UBE2K: variants seen among roughly 807,000 people sequenced by gnomAD.
The protein encoded by UBE2K is ubiquitin conjugating enzyme E2 K.
A neutral mutation model predicts 30.0 loss-of-function variants in UBE2K; 6 were observed. The ratio of observed to expected loss-of-function variants is 0.20; its 90% CI spans 0.11 to 0.39. The LOEUF (loss-of-function observed/expected upper bound fraction) is 0.39, where lower values mean the gene tolerates loss of function less well. Ranked by LOEUF, UBE2K falls within the 10% of genes least tolerant of loss-of-function variation. UBE2K has a pLI of 1.00. For synonymous variants in UBE2K, 86 were observed against 83.7 expected, an observed-to-expected ratio of 1.03 and a Z score of -0.15; for missense variants, 61 against 241.6, an observed-to-expected ratio of 0.25 and a Z score of 4.96.
chr4:39,740,054 TTAAATG>T (rs34643475), intron 2 of UBE2K, among the ~76,000 whole-genome samples: 2,843 of 152,262 alleles, frequency 0.019, 97 homozygotes, highest in African/African-American at 0.064. Flanking sequence ...TTTGCAATCA[TTAAATG>T]TAGAGGAGAC....
chr4:39,740,653 G>T (rs577735128), intron 2 of UBE2K, among the ~76,000 whole-genome samples: 4 of 151,438 alleles, frequency 2.6e-5, no homozygotes, highest in Non-Finnish European at 5.9e-5. Flanking sequence ...ACGAGGTCAG[G>T]AGATCGAGAC....
intron 2 of UBE2K, among the ~76,000 whole-genome samples, chr4:39,742,001 A>G (rs1400940574): frequency 6.6e-6 from 1 of 152,170 alleles, no homozygotes; most frequent in Non-Finnish European, 1.5e-5. Flanking sequence ...AAGTGGTCAT[A>G]TATTGAAAGT....
intron 4 of UBE2K, chr4:39,770,048 G>A: frequency 2.0e-6 from 3 of 1,502,230 alleles, no homozygotes; most frequent in Non-Finnish European, 2.7e-6. Context: ...CTAGCCCAGG[G>A]ACCCCAGCCT....
chr4:39,734,272 A>AT (rs1207399712), intron 1 of UBE2K, among the ~76,000 whole-genome samples: 1 of 151,750 alleles, frequency 6.6e-6, no homozygotes, highest in Non-Finnish European at 1.5e-5. Context: ...TGCCCGGCTA[A>AT]TTTTTCCGGA....
chr4:39,747,130 CCTATTAGT>C (rs1721024613), intron 3 of UBE2K, among the ~76,000 whole-genome samples: 1 of 152,068 alleles, frequency 6.6e-6, no homozygotes, highest in East Asian at 1.9e-4. Flanking sequence ...TTATGGGCTG[CCTATTAGT>C]CTATTGTTTA....
chr4:39,745,900 A>C (rs1039699059), intron 3 of UBE2K, 90 bp downstream of exon 3: 2 of 993,408 alleles, frequency 2.0e-6, no homozygotes, highest in Non-Finnish European at 2.9e-6. Flanking sequence ...GGCTTATTAA[A>C]GTCACAGCTT....
At chr4:39,763,157 G>A (rs1184883451) in intron 4 of UBE2K, among the ~76,000 whole-genome samples, 2 of 148,906 alleles carry the variant, frequency 1.3e-5, no homozygotes, top group Non-Finnish European at 3.0e-5. Context: ...TGGCCAGGCT[G>A]GTCTGGAATT....
intron 2 of UBE2K, among the ~76,000 whole-genome samples, chr4:39,742,810 C>G (rs1431104767): frequency 6.6e-6 from 1 of 152,140 alleles, no homozygotes; most frequent in Non-Finnish European, 1.5e-5. Flanking sequence ...CTTTGGGAGG[C>G]TGAGGCAGGC....
In UBE2K at chr4:39,755,639, G is replaced by T; in HGVS notation, c.217-18G>T. 2 of 1,575,330 alleles carry T rather than the reference G, an allele frequency of 1.3e-6. No homozygotes were observed. Among genetic ancestry groups the T allele is most frequent in the Non-Finnish European group, 1.7e-6 (2 of 1,151,846 alleles). ...TTATTTCTGTTACTGAAAAACTCAA[G>T]TGTGCTTTATATTCTAGGTCCGGTT... On this transcript the variant is annotated intron_variant, in intron 3 of 6. Coordinates refer to ENST00000261427, the MANE Select transcript of UBE2K (RefSeq NM_005339.5).
chr4:39,774,197 G>A (rs1369191074), intron 4 of UBE2K, among the ~76,000 whole-genome samples: 1 of 151,938 alleles, frequency 6.6e-6, no homozygotes, highest in African/African-American at 2.4e-5. Flanking sequence ...CCAGCTACTC[G>A]TGAGGCTGAG....
chr4:39,725,942 C>CTT (rs36032554), intron 1 of UBE2K, among the ~76,000 whole-genome samples: 4 of 151,062 alleles, frequency 2.6e-5, no homozygotes, highest in African/African-American at 7.3e-5. Flanking sequence ...CACACTTGGC[C>CTT]TTTTTTTTTA....
chr4:39,737,631 TA>T (rs1189558747), intron 2 of UBE2K, 118 bp downstream of exon 2: 1 of 628,362 alleles, frequency 1.6e-6, no homozygotes, highest in East Asian at 3.4e-5. Context: ...TTGGTTTAGA[TA>T]AACAGCAATT....
intron 1 of UBE2K, among the ~76,000 whole-genome samples, chr4:39,703,706 G>T (rs1415757070): frequency 2.0e-5 from 3 of 151,790 alleles, no homozygotes; most frequent in African/African-American, 4.8e-5. Context: ...AATTAGCCGG[G>T]CATGGTGGTG....
chr4:39,713,688 T>A (rs189186604), intron 1 of UBE2K, among the ~76,000 whole-genome samples: 37 of 152,184 alleles, frequency 2.4e-4, no homozygotes, highest in African/African-American at 8.7e-4. Flanking sequence ...AAATTGAAAC[T>A]CTGTACCCAA....
At position 39,781,836 on chromosome 4, in the gene UBE2K, T is replaced by C. The variant is rs886741769; in HGVS notation, c.*3402T>C. The C allele has an allele frequency of 2.5e-6, 1 of 397,794 alleles. No individual in the cohort carries two copies. The highest frequency in any genetic ancestry group is 4.4e-6 in the Non-Finnish European group (1 of 225,522). 24.6% of individuals were successfully genotyped at this position (397,794 alleles called of 1,614,324 possible). On this transcript the variant is annotated 3_prime_UTR_variant, in exon 7 of 7. Coordinates refer to ENST00000261427, the MANE Select transcript of UBE2K (RefSeq NM_005339.5). ...CAATTCCAGGGTACAAACCATTGAT[T>C]TAAAAATTACGTTTCCATTCTTTTT...
chr4:39,717,503 A>G (rs1219984126), intron 1 of UBE2K, among the ~76,000 whole-genome samples: 1 of 152,042 alleles, frequency 6.6e-6, no homozygotes, highest in African/African-American at 2.4e-5. Flanking sequence ...TGCTGGGATT[A>G]CAGGCGTGAG....
At chr4:39,777,569 T>G (rs544614657) in intron 5 of UBE2K, 113 bp from the exon 6 acceptor site, 10 of 1,052,532 alleles carry the variant, frequency 9.5e-6, no homozygotes, top group African/African-American at 1.7e-5. Context: ...GAATCACATT[T>G]TAAATGTAGA....
intron 1 of UBE2K, among the ~76,000 whole-genome samples, chr4:39,713,574 A>T (rs1718838953): frequency 1.3e-5 from 2 of 151,762 alleles, no homozygotes; most frequent in Admixed American, 1.3e-4. Context: ...AGTAAAATAC[A>T]CATAACATAA....
chr4:39,765,275 G>C (rs1028311773), intron 4 of UBE2K, among the ~76,000 whole-genome samples: 1 of 152,150 alleles, frequency 6.6e-6, no homozygotes, highest in Non-Finnish European at 1.5e-5. Flanking sequence ...TGTAATCCCA[G>C]CACTTTGGGA....
Sources: allele counts gnomAD v4.1 joint callset (sites outside exome capture counted in the v4.1 genomes callset), GRCh38; gene constraint gnomAD v4.1.1; transcripts MANE v1.5; gene names NCBI Gene and HGNC (gene_info 2026-07-23, HGNC 2026-07-21).